Variants in ZNF880 observed in about 807,000 individuals in gnomAD.
ZNF880 encodes zinc finger protein LOC400713.
A neutral mutation model predicts 11.8 loss-of-function variants in ZNF880; 12 were observed. The observed-to-expected ratio is 1.02, with a 90% confidence interval of 0.65 to 1.65. The LOEUF (loss-of-function observed/expected upper bound fraction) is 1.65. ZNF880 is among the 40% of genes most tolerant of loss of function. The pLI, the probability that ZNF880 is intolerant of heterozygous loss-of-function variation, is 0.00. For missense variants in ZNF880, 601 were observed against 673.9 expected (o/e 0.89, Z 1.20); for synonymous variants, 210 against 232.4 (o/e 0.90, Z 0.88).
In ZNF880 at chr19:52,380,248, C is replaced by T. The variant is rs532668287; in HGVS notation, c.269-3601C>T. 7.2e-5 allele frequency among the ~76,000 whole-genome samples: 11 copies of T among 152,170 alleles called. 2 individuals carry two copies. In the South Asian group the frequency reaches 2.1e-3, roughly 29 times the overall value. On this transcript the variant is annotated intron_variant, in intron 3 of 3. Coordinates refer to ENST00000422689, the MANE Select transcript of ZNF880 (RefSeq NM_001145434.2). ...ATTTCCAGCAACAGAACATAAGTCTCCCATTTCTGCACATTTTTGCCACTT... is the reference window on the plus strand; with the variant it reads ...ATTTCCAGCAACAGAACATAAGTCTTCCATTTCTGCACATTTTTGCCACTT...
At chr19:52,378,283 G>C (rs567538153) in intron 3 of ZNF880, among the ~76,000 whole-genome samples, 2 of 152,290 alleles carry the variant, frequency 1.3e-5, no homozygotes, top group Admixed American at 1.3e-4. Flanking sequence ...TACTTTAGTG[G>C]TGTGTGTAAC....
chr19:52,375,880 C>T (rs555740780), intron 3 of ZNF880, among the ~76,000 whole-genome samples: 2 of 151,734 alleles, frequency 1.3e-5, no homozygotes, highest in Non-Finnish European at 2.9e-5. Context: ...CACTAGGTTG[C>T]CCAGGCTTGT....
intron 1 of ZNF880, among the ~76,000 whole-genome samples, chr19:52,371,728 T>G (rs1310523597): frequency 6.6e-6 from 1 of 152,186 alleles, no homozygotes; most frequent in Non-Finnish European, 1.5e-5. Flanking sequence ...TGGCGCTTAC[T>G]CTGCCATTTT....
intron 3 of ZNF880, among the ~76,000 whole-genome samples, chr19:52,380,873 C>G (rs1490961379): frequency 6.6e-6 from 1 of 151,694 alleles, no homozygotes; most frequent in Non-Finnish European, 1.5e-5. Context: ...GAGACAGGGT[C>G]TTGCTGTGTT....
At chr19:52,372,900 A>G (rs1986425095) in intron 1 of ZNF880, among the ~76,000 whole-genome samples, 1 of 132,524 alleles carries the variant, frequency 7.5e-6, no homozygotes, top group Non-Finnish European at 1.5e-5. Flanking sequence ...ACAGAGCGAG[A>G]CTCCGTCTCA....
chr19:52,394,391 AT>A, the ZNF880 span, among the ~76,000 whole-genome samples: 1 of 151,056 alleles, frequency 6.6e-6, no homozygotes, highest in Non-Finnish European at 1.5e-5. Flanking sequence ...ATGTGCCACC[AT>A]GGCCTGTTAA....
At chr19:52,383,756 C>A in intron 3 of ZNF880, 93 bp from the exon 4 acceptor site, 2 of 1,304,172 alleles carry the variant, frequency 1.5e-6, no homozygotes, top group Non-Finnish European at 2.1e-6. Context: ...CTTCCCATGT[C>A]TGAGTCAGGT....
chr19:52,379,285 T>C, intron 3 of ZNF880: 1 of 342,352 alleles, frequency 2.9e-6, no homozygotes, highest in Admixed American at 4.0e-5. Context: ...CCAGGAGTTT[T>C]GGAATGGGTA....
At position 52,384,331 on chromosome 19, in the gene ZNF880, C is replaced by A; in HGVS notation, c.751C>A (p.Arg251=). The change falls in exon 4 of 4, where the codon CGA becomes AGA. Residue 251 remains arginine (R), a synonymous_variant. Transcript: ENST00000422689. ...TCATGAATGTGGCAAGCTCTTCAAT[C>A]GAATTTCACTCCTTGCACGACATCA... ...KCHECGKLFN[R]ISLLARHQRI... The A allele has an allele frequency of 2.0e-6, 3 of 1,487,820 alleles. No individual in the cohort carries two copies. The South Asian group carries it at 3.4e-5, about 17-fold the overall frequency. The allele number at this position is 1,487,820 out of a possible 1,614,324, so 92.2% of individuals were successfully genotyped here.
intron 1 of ZNF880, chr19:52,370,246 C>T (rs953326425): frequency 1.4e-5 from 7 of 510,844 alleles, no homozygotes; most frequent in African/African-American, 7.7e-5. Context: ...TCAGTGACCC[C>T]TAGACACGGC....
Position 52,384,518 on chromosome 19 carries a change from G to C in ZNF880, c.938G>C (p.Arg313Pro). Residue 313 changes from arginine to proline, a missense_variant, in exon 4 of 4, where the codon CGA (arginine) becomes CCA (proline). Physicochemically the swap from Arg to Pro is moderately radical, Grantham distance 103. Coordinates refer to ENST00000422689, the MANE Select transcript of ZNF880 (RefSeq NM_001145434.2). ...KVFNRNAHLA[R>P]HQKIHSGEKP... ...TTCAACAGAAATGCACACCTTGCAC[G>C]ACATCAGAAAATTCATAGTGGAGAG... 1 of 1,613,728 alleles carries C rather than the reference G, an allele frequency of 6.2e-7. No individual in the cohort carries two copies. The highest frequency in any genetic ancestry group is 8.5e-7 in the Non-Finnish European group (1 of 1,179,920).
intron 1 of ZNF880, chr19:52,370,319 G>T: frequency 3.0e-6 from 1 of 335,952 alleles, no homozygotes; most frequent in South Asian, 4.4e-5. Flanking sequence ...CCCAAGCCTC[G>T]CCCTCTTTTC....
Position 52,384,580 on chromosome 19 carries a change from T to C in ZNF880, c.1000T>C (p.Ser334Pro), listed in dbSNP as rs879211342. The C allele has an allele frequency of 1.2e-6, 2 of 1,611,630 alleles. No individual in the cohort carries two copies. The highest frequency in any genetic ancestry group is 2.7e-5 in the African/African-American group (2 of 74,422). Residue 334 changes from serine to proline, a missense_variant, in exon 4 of 4, where the codon TCA becomes CCA. By Grantham distance (74) the Ser-to-Pro change is moderately conservative. Around this residue, in one of 3 missense-constraint regions of ZNF880, gnomAD observed 420 missense variants for 442.6 expected, o/e 0.95. Transcript: ENST00000422689. The part of the protein sequence containing the change: ...YKCKECGKAF[S>P]GGSGLTAHLV... Reference sequence around the variant, plus strand: ...ATGTAAGGAATGTGGCAAAGCATTTTCAGGGGGTTCAGGCCTTACTGCTCA... The same window carrying C: ...ATGTAAGGAATGTGGCAAAGCATTTCCAGGGGGTTCAGGCCTTACTGCTCA...
the ZNF880 span, among the ~76,000 whole-genome samples, chr19:52,394,234 GATT>G: frequency 7.9e-5 from 12 of 151,750 alleles, no homozygotes; most frequent in East Asian, 1.9e-4. Flanking sequence ...AAATATACAA[GATT>G]ATTATTATTA....
chr19:52,384,128 C>T lies in ZNF880; in HGVS notation c.548C>T (p.Pro183Leu), dbSNP rs1215813739. 2 of 1,602,258 alleles carry T rather than the reference C, an allele frequency of 1.2e-6. No individual in the cohort carries two copies. Among genetic ancestry groups the T allele is most frequent in the Non-Finnish European group, 1.7e-6 (2 of 1,173,882 alleles). Residue 183 changes from proline to leucine, a missense_variant, in exon 4 of 4, where the codon CCG becomes CTG. By Grantham distance (98) the Pro-to-Leu change is moderately conservative. This residue lies in a region of ZNF880 where 420 missense variants were observed against 442.6 expected (regional missense o/e 0.95). Transcript: ENST00000422689. ...QEQKAQIREK[P>L]CECNEHGKAF... ...CAAAAAGCACAAATAAGGGAAAAAC[C>T]GTGTGAATGTAATGAGCATGGCAAA...
At chr19:52,372,676 C>T (rs185394666) in intron 1 of ZNF880, among the ~76,000 whole-genome samples, 3,922 of 149,112 alleles carry the variant, frequency 0.026, 167 homozygotes, top group African/African-American at 0.091. Flanking sequence ...CCGAGGTGGG[C>T]GGATCACGAA....
At chr19:52,374,126 C>T (rs1228947567) in intron 2 of ZNF880, among the ~76,000 whole-genome samples, 173 bp from the exon 3 acceptor site, 2 of 151,094 alleles carry the variant, frequency 1.3e-5, no homozygotes, top group African/African-American at 2.4e-5. Context: ...AGTGCAGTGG[C>T]GCGATCTTGG....
chr19:52,392,819 G>GTA, the ZNF880 span: 746 of 182,540 alleles, frequency 4.1e-3, 4 homozygotes, highest in Non-Finnish European at 5.2e-3. Context: ...AGTGGAAGCT[G>GTA]TATATATATA....
chr19:52,369,761 T>C (rs1600244610), upstream of ZNF880, among the ~76,000 whole-genome samples: 5 of 152,244 alleles, frequency 3.3e-5, no homozygotes, highest in East Asian at 9.7e-4. Flanking sequence ...AAACTTTCCC[T>C]CTGCCGGGAC....
Sources: gnomAD v4.1 joint callset for allele counts (sites outside exome capture counted in the v4.1 genomes callset) on GRCh38, gnomAD v4.1.1 for gene constraint, gnomAD v4.1.1 regional missense constraint, MANE v1.5 for transcripts, NCBI Gene and HGNC (gene_info 2026-07-23, HGNC 2026-07-21) for gene names.